NRG1: variants seen among roughly 807,000 people sequenced by gnomAD.
NRG1 encodes the protein pro-neuregulin-1, membrane-bound isoform.
Under a neutral mutation model 63.8 loss-of-function variants are expected in NRG1, and 18 were observed. The ratio of observed to expected loss-of-function variants is 0.28; its 90% CI spans 0.19 to 0.42. The LOEUF is 0.42. NRG1 is among the 10% of genes least tolerant of loss of function. NRG1 has a pLI of 1.00. For synonymous variants in NRG1, 302 were observed against 301.3 expected, an observed-to-expected ratio of 1.00 and a Z score of -0.02; for missense variants, 762 against 814.7, an observed-to-expected ratio of 0.94 and a Z score of 0.79.
At chr8:32,005,381 G>A (rs878910139) in intron 1 of NRG1, among the ~76,000 whole-genome samples, 1 of 151,996 alleles carries the variant, frequency 6.6e-6, no homozygotes, top group Admixed American at 6.6e-5. Context: ...AATGTGTCTT[G>A]TAGTACATAG....
intron 1 of NRG1, among the ~76,000 whole-genome samples, chr8:31,718,178 ATT>A (rs372782723): frequency 2.3e-4 from 34 of 146,030 alleles, no homozygotes; most frequent in African/African-American, 8.0e-4. Context: ...CTAGTTCTAC[ATT>A]TTTTTTTTTG....
intron 1 of NRG1, among the ~76,000 whole-genome samples, chr8:31,702,434 C>T (rs915705095): frequency 3.4e-5 from 5 of 147,096 alleles, no homozygotes; most frequent in African/African-American, 1.2e-4. Context: ...GAAAAACTAC[C>T]TAAAATTTCC....
chr8:32,393,570 A>G (rs1271150070), intron 1 of NRG1, among the ~76,000 whole-genome samples: 1 of 152,218 alleles, frequency 6.6e-6, no homozygotes, highest in East Asian at 1.9e-4. Flanking sequence ...GAACAAATTT[A>G]TGTCCTTTAC....
chr8:32,676,267 G>A (rs2128906209), intron 5 of NRG1, among the ~76,000 whole-genome samples: 1 of 152,208 alleles, frequency 6.6e-6, no homozygotes, highest in African/African-American at 2.4e-5. Context: ...AGCTAACTGG[G>A]GACTTGCTCC....
chr8:32,525,033 G>A (rs767399133), intron 1 of NRG1, among the ~76,000 whole-genome samples: 15 of 152,230 alleles, frequency 9.9e-5, no homozygotes, highest in Non-Finnish European at 1.8e-4. Context: ...GAGCTATGCC[G>A]ATTTACCGCT....
chr8:32,192,481 A>G (rs940597048), intron 1 of NRG1, among the ~76,000 whole-genome samples: 2 of 152,180 alleles, frequency 1.3e-5, no homozygotes, highest in African/African-American at 4.8e-5. Flanking sequence ...AAGTAAATCA[A>G]TGTAGGAAGA....
rs569169981 is a variant in NRG1, at chr8:32,645,012, G to T, written c.502+28127G>T. 1.6e-3 allele frequency among the ~76,000 whole-genome samples: 237 copies of T among 152,208 alleles called. 1 individual carries two copies. Among genetic ancestry groups the T allele is most frequent in the Admixed American group, 2.6e-3 (40 of 15,284 alleles). ...GCCTTGGATGAAATGCTGGTGTATTGAGTATAATAGTTTTGGTTTAGGTCA... is the reference window on the plus strand; with the variant it reads ...GCCTTGGATGAAATGCTGGTGTATTTAGTATAATAGTTTTGGTTTAGGTCA... On this transcript the variant is annotated intron_variant, in intron 5 of 11. Coordinates refer to ENST00000356819, the Ensembl canonical transcript of NRG1.
intron 1 of NRG1, among the ~76,000 whole-genome samples, chr8:32,412,445 T>TGC: frequency 1.7e-5 from 1 of 58,964 alleles, no homozygotes; most frequent in East Asian, 5.1e-4. Flanking sequence ...TATATATATA[T>TGC]ATATATACAT....
chr8:32,381,614 CT>C (rs1239283399), intron 1 of NRG1, among the ~76,000 whole-genome samples: 4 of 152,122 alleles, frequency 2.6e-5, no homozygotes, highest in African/African-American at 4.8e-5. Flanking sequence ...ACCAAATTAC[CT>C]TTTAAAATTA....
At chr8:32,126,756 G>A (rs1003705383) in intron 1 of NRG1, among the ~76,000 whole-genome samples, 3 of 151,944 alleles carry the variant, frequency 2.0e-5, no homozygotes, top group Non-Finnish European at 1.5e-5. Context: ...TTTTCAGTAA[G>A]ATGTTTAGCT....
At chr8:32,287,165 A>C (rs887012495) in intron 1 of NRG1, 1 of 152,230 alleles carries the variant, frequency 6.6e-6, no homozygotes, top group Admixed American at 6.5e-5. Context: ...TTCATCTATC[A>C]TACTACCCGA....
At chr8:31,661,555 T>C (rs1461478639) in intron 1 of NRG1, among the ~76,000 whole-genome samples, 1 of 152,234 alleles carries the variant, frequency 6.6e-6, no homozygotes, top group East Asian at 1.9e-4. Context: ...TATCATTCAT[T>C]TGAAATGAAC....
rs962279921 is a variant in NRG1, at chr8:31,695,326, C to A, written c.37+55895C>A. Among the ~76,000 whole-genome samples the A allele has an allele frequency of 3.9e-5, 6 of 152,156 alleles. No homozygotes were observed. The East Asian group carries it at 1.2e-3, about 29-fold the overall frequency. ...GTGGGATTAGAGGCATGCACCACCA[C>A]GCTAGGCTACTGTTTATATTTTTAG... On this transcript the variant is annotated intron_variant, in intron 1 of 10. Coordinates refer to the NRG1 transcript ENST00000519301.
At chr8:32,762,248 T>C (rs958086989) in intron 11 of NRG1, among the ~76,000 whole-genome samples, 1 of 152,102 alleles carries the variant, frequency 6.6e-6, no homozygotes, top group Admixed American at 6.6e-5. Flanking sequence ...ATTAAGGAAG[T>C]CTATCCATTC....
intron 1 of NRG1, among the ~76,000 whole-genome samples, chr8:32,432,674 TAG>T (rs2129486851): frequency 6.6e-6 from 1 of 152,140 alleles, no homozygotes; most frequent in African/African-American, 2.4e-5. Context: ...TATTTTTTAG[TAG>T]AGACAGGGTT....
intron 1 of NRG1, among the ~76,000 whole-genome samples, chr8:32,034,057 G>A (rs1208283469): frequency 6.6e-6 from 1 of 152,106 alleles, no homozygotes; most frequent in East Asian, 1.9e-4. Flanking sequence ...TCCAGCTTTT[G>A]CCTATTCAGT....
intron 1 of NRG1, among the ~76,000 whole-genome samples, chr8:31,804,661 G>C (rs771894459): frequency 6.6e-6 from 1 of 152,180 alleles, no homozygotes; most frequent in African/African-American, 2.4e-5. Flanking sequence ...GGTAGCAGTT[G>C]ATGCTGCTGT....
At chr8:31,730,867 A>G (rs1457543107) in intron 1 of NRG1, among the ~76,000 whole-genome samples, 2 of 152,206 alleles carry the variant, frequency 1.3e-5, no homozygotes, top group Admixed American at 6.6e-5. Flanking sequence ...CATGTATTCT[A>G]AACATACAAC....
intron 1 of NRG1, among the ~76,000 whole-genome samples, chr8:32,592,007 A>G (rs1281453714): frequency 6.6e-6 from 1 of 151,920 alleles, no homozygotes; most frequent in African/African-American, 2.4e-5. Context: ...ACAGACACAC[A>G]TACACACGTG....
Sources: gnomAD v4.1 joint callset for allele counts (sites outside exome capture counted in the v4.1 genomes callset) on GRCh38, gnomAD v4.1.1 for gene constraint, MANE v1.5 for transcripts, NCBI Gene and HGNC (gene_info 2026-07-23, HGNC 2026-07-21) for gene names.